Variants in SQSTM1 observed in about 807,000 individuals in gnomAD.
The protein encoded by SQSTM1 is sequestosome 1, also known as sequestosome-1.
In SQSTM1, 36 loss-of-function variants were observed where a neutral mutation model predicts 45.1. The observed-to-expected ratio is 0.80, with a 90% CI of 0.61 to 1.05. The LOEUF is 1.05. SQSTM1 is among the 50% of genes least tolerant of loss of function. The pLI, the probability that SQSTM1 is intolerant of heterozygous loss-of-function variation, is 0.00. For missense variants in SQSTM1, 617 were observed against 607.1 expected (o/e 1.02, Z -0.17); for synonymous variants, 290 against 244.3 (o/e 1.19, Z -1.74).
chr5:179,834,405 A>C (rs1307157271), intron 7 of SQSTM1, among the ~76,000 whole-genome samples: 1 of 88,994 alleles, frequency 1.1e-5, no homozygotes, highest in Non-Finnish European at 2.0e-5. Context: ...AGTAGTTCTT[A>C]TTTTTGTTTA....
Position 179,832,009 on chromosome 5 carries a change from T to G in SQSTM1, c.755-1023T>G, listed in dbSNP as rs1338350797. On this transcript the variant is annotated intron_variant, in intron 5 of 7. Coordinates refer to ENST00000389805, the MANE Select transcript of SQSTM1 (RefSeq NM_003900.5). ...CATATTAGCCAGGGTAGTCTCGATC[T>G]CCTGATCTCGTGATCCGCCCGCCTC... Among the ~76,000 whole-genome samples, 3 of 152,120 alleles carry G rather than the reference T, an allele frequency of 2.0e-5. No individual in the cohort carries two copies. The South Asian group carries it at 6.2e-4, about 31-fold the overall frequency.
chr5:179,824,714 T>A (rs1459413680), intron 4 of SQSTM1, among the ~76,000 whole-genome samples: 11 of 152,222 alleles, frequency 7.2e-5, no homozygotes, highest in Non-Finnish European at 4.4e-5. Flanking sequence ...TAGTTATAAG[T>A]GAAAGACTTA....
rs1758314190 is a variant in SQSTM1, at chr5:179,833,068, AAAG to A, written c.795_797del (p.Arg265del). 3.1e-6 allele frequency: 5 copies of A among 1,614,038 alleles called. No individual in the cohort carries two copies. Among genetic ancestry groups the A allele is most frequent in the Admixed American group, 1.7e-5 (1 of 59,994 alleles). On this transcript the variant is annotated inframe_deletion, in exon 6 of 8. Coordinates refer to ENST00000389805, the MANE Select transcript of SQSTM1 (RefSeq NM_003900.5). ...GATATCGATGTGGAGCACGGAGGGAAAAGAAGCCGCCTGACCCCCGTCTCTCCA... is the reference window on the plus strand; with the variant it reads ...GATATCGATGTGGAGCACGGAGGGAAAAGCCGCCTGACCCCCGTCTCTCCA...
chr5:179,832,128 T>C (rs749442991), intron 5 of SQSTM1, among the ~76,000 whole-genome samples: 50 of 152,110 alleles, frequency 3.3e-4, no homozygotes, highest in Non-Finnish European at 6.0e-4. Context: ...GAAAGGGTAG[T>C]GGAAGGAGAG....
chr5:179,834,245 GGGGGGT>G (rs1224444668), intron 7 of SQSTM1, among the ~76,000 whole-genome samples: 4 of 89,780 alleles, frequency 4.5e-5, no homozygotes, highest in Admixed American at 2.1e-4. Context: ...GTGGGGGGGT[GGGGGGT>G]GGGGACAGCT....
intron 5 of SQSTM1, among the ~76,000 whole-genome samples, chr5:179,832,661 G>A (rs1279824142): frequency 6.6e-6 from 1 of 152,222 alleles, no homozygotes; most frequent in Non-Finnish European, 1.5e-5. Flanking sequence ...TTCTGGCTCA[G>A]AAGCTGACTT....
intron 5 of SQSTM1, among the ~76,000 whole-genome samples, chr5:179,828,492 G>C (rs545209629): frequency 1.3e-4 from 20 of 149,636 alleles, no homozygotes; most frequent in Non-Finnish European, 2.8e-4. Flanking sequence ...TCCTGCCTCA[G>C]CCTTTCCCAG....
At chr5:179,829,445 C>G (rs763768423) in intron 5 of SQSTM1, among the ~76,000 whole-genome samples, 8 of 152,182 alleles carry the variant, frequency 5.3e-5, no homozygotes, top group Non-Finnish European at 1.2e-4. Context: ...CACCAGCCAT[C>G]TGAGGAAAGC....
chr5:179,806,606 C>T lies in SQSTM1; in HGVS notation c.-157+15C>T. ...CATCTCCTCGGGTGCGCGGCGGGCG[C>T]CCGCGGGGCCGAGGCTGCATGGCCC... On this transcript the variant is annotated intron_variant, in intron 1 of 5. Coordinates refer to the SQSTM1 transcript ENST00000514093. This position sits in a 1 kb window ranked among gnomAD's most constrained non-coding sequence, Gnocchi z 4.6. The T allele has an allele frequency of 1.6e-6, 2 of 1,212,778 alleles. No individual in the cohort carries two copies. The highest frequency in any genetic ancestry group is 6.0e-5 in the East Asian group (1 of 16,552). The allele number at this position is 1,212,778 out of a possible 1,614,324, so 75.1% of individuals were successfully genotyped here.
upstream of SQSTM1, among the ~76,000 whole-genome samples, chr5:179,815,149 G>A (rs1562640955): frequency 6.6e-6 from 1 of 152,164 alleles, no homozygotes; most frequent in Non-Finnish European, 1.5e-5. Flanking sequence ...GGGTGTGGTG[G>A]CTCACGCCTG....
At position 179,837,348 on chromosome 5, in the gene SQSTM1, CTCCT is replaced by C. The variant is rs1561611279; in HGVS notation, c.*756_*759del. 1.3e-6 allele frequency: 2 copies of C among 1,582,890 alleles called. No homozygotes were observed. The highest frequency in any genetic ancestry group is 2.3e-5 in the South Asian group (2 of 85,984). ...AAAGTGCCTTAGGGGAACCCTGTCC[CTCCT>C]AACAAGTGTATCTCGATTAATAACC... On this transcript the variant is annotated 3_prime_UTR_variant, in exon 8 of 8. Transcript: ENST00000389805.
rs539942101 is a variant in SQSTM1, at chr5:179,836,447, C to T, written c.1177C>T (p.Arg393Trp). 2.2e-5 allele frequency: 36 copies of T among 1,614,196 alleles called. No individual in the cohort carries two copies. The highest frequency in any genetic ancestry group is 1.6e-4 in the South Asian group (15 of 91,084). Residue 393 changes from arginine to tryptophan, a missense_variant, in exon 8 of 8, where the codon CGG becomes TGG. Coordinates refer to ENST00000389805, the MANE Select transcript of SQSTM1 (RefSeq NM_003900.5). ...YPHLPPEADP[R>W]LIESLSQMLS... ...TACTGTTTCGGCAGAGGCTGACCCGCGGCTGATTGAGTCCCTCTCCCAGAT... is the reference window on the plus strand; with the variant it reads ...TACTGTTTCGGCAGAGGCTGACCCGTGGCTGATTGAGTCCCTCTCCCAGAT...
In SQSTM1 at chr5:179,837,065, C is replaced by T. The variant is rs1262453085; in HGVS notation, c.*472C>T. 2 of 730,388 alleles carry T rather than the reference C, an allele frequency of 2.7e-6. No individual in the cohort carries two copies. Among genetic ancestry groups the T allele is most frequent in the Non-Finnish European group, 4.7e-6 (2 of 425,742 alleles). The allele number at this position is 730,388 out of a possible 1,614,324, so 45.2% of individuals were successfully genotyped here. On this transcript the variant is annotated 3_prime_UTR_variant, in exon 8 of 8. Coordinates refer to ENST00000389805, the MANE Select transcript of SQSTM1 (RefSeq NM_003900.5). Reference sequence around the variant, plus strand: ...TGGGGAGGCCAGTGTTGTGGGCTTCCTGCTGGGACTGAGAAGGCTCACGAA... The same window carrying T: ...TGGGGAGGCCAGTGTTGTGGGCTTCTTGCTGGGACTGAGAAGGCTCACGAA...
At chr5:179,809,018 C>T (rs192832135) in intron 1 of SQSTM1, among the ~76,000 whole-genome samples, 1,433 of 141,284 alleles carry the variant, frequency 0.01, 17 homozygotes, top group Non-Finnish European at 0.017. Context: ...CCACCACGCT[C>T]GGCTGATTTT....
At chr5:179,826,441 A>G (rs1201106301) in intron 5 of SQSTM1, among the ~76,000 whole-genome samples, 1 of 152,008 alleles carries the variant, frequency 6.6e-6, no homozygotes, top group Non-Finnish European at 1.5e-5. Context: ...TGCTGGGATT[A>G]CAGGTGTGAA....
chr5:179,830,802 T>C (rs761368040), intron 5 of SQSTM1, among the ~76,000 whole-genome samples: 15 of 152,130 alleles, frequency 9.9e-5, no homozygotes, highest in Non-Finnish European at 1.6e-4. Context: ...ATGATCTACC[T>C]GCCTTCGTCT....
chr5:179,812,875 A>G (rs1757471265), intron 2 of SQSTM1: 1 of 152,100 alleles, frequency 6.6e-6, no homozygotes, highest in South Asian at 2.1e-4. Context: ...AAGCTTGACC[A>G]GGCCCAGCCA....
At chr5:179,812,922 T>C (rs1168089454) in intron 2 of SQSTM1, 1 of 152,080 alleles carries the variant, frequency 6.6e-6, no homozygotes, top group Non-Finnish European at 1.5e-5. Flanking sequence ...GCCGTGTTTT[T>C]ATATTTTGAC....
chr5:179,837,522 C>T lies in SQSTM1; in HGVS notation c.*929C>T, dbSNP rs772022233. On this transcript the variant is annotated 3_prime_UTR_variant, in exon 8 of 8. Transcript: ENST00000389805. ...GTCCTTGCGTCCCATGAGGTCTTCC[C>T]GCAAGGCCTCTCAGACCCAGATGTG... The T allele has an allele frequency of 3.7e-6, 6 of 1,614,096 alleles. No individual in the cohort carries two copies. Among genetic ancestry groups the T allele is most frequent in the South Asian group, 2.2e-5 (2 of 91,094 alleles).
Sources: allele counts gnomAD v4.1 joint callset (sites outside exome capture counted in the v4.1 genomes callset), GRCh38; gene constraint gnomAD v4.1.1; non-coding constraint Gnocchi (gnomAD v3.1); transcripts MANE v1.5; gene names NCBI Gene and HGNC (gene_info 2026-07-23, HGNC 2026-07-21).